The following SYN3 variants were observed in gnomAD, a reference collection of about 807,000 sequenced individuals.
SYN3 encodes the protein synapsin-3.
SYN3 carries 35 observed loss-of-function variants against 65.8 expected under a neutral mutation model. The observed-to-expected ratio is 0.53, with a 90% CI of 0.41 to 0.70. The LOEUF (loss-of-function observed/expected upper bound fraction) is 0.70. Ranked by LOEUF, SYN3 falls within the 30% of genes least tolerant of loss-of-function variation. The pLI is 0.00. For missense variants in SYN3, 680 were observed against 749.0 expected, an observed-to-expected ratio of 0.91 and a Z score of 1.08; for synonymous variants, 270 against 292.9, an observed-to-expected ratio of 0.92 and a Z score of 0.80.
chr22:32,826,094 T>C (rs2047403464), intron 6 of SYN3, among the ~76,000 whole-genome samples: 1 of 152,216 alleles, frequency 6.6e-6, no homozygotes, highest in South Asian at 2.1e-4. Context: ...CTTCTTTTTT[T>C]CCCAACCTTT....
intron 6 of SYN3, among the ~76,000 whole-genome samples, chr22:32,775,564 C>T (rs2045888690): frequency 6.6e-6 from 1 of 152,138 alleles, no homozygotes. Context: ...ATCCTCCAGT[C>T]TGCACAACCC....
intron 6 of SYN3, among the ~76,000 whole-genome samples, chr22:32,842,120 G>A (rs73158348): frequency 2.0e-5 from 3 of 152,092 alleles, no homozygotes; most frequent in African/African-American, 7.3e-5. Context: ...TATCTGCTGG[G>A]ATGGGAAGTG....
intron 12 of SYN3, among the ~76,000 whole-genome samples, chr22:32,520,637 G>T (rs965633471): frequency 6.6e-6 from 1 of 152,170 alleles, no homozygotes; most frequent in South Asian, 2.1e-4. Context: ...AAGAAAAGGC[G>T]GCTTCCTTCA....
intron 6 of SYN3, among the ~76,000 whole-genome samples, chr22:32,689,495 G>A (rs924302640): frequency 1.3e-4 from 20 of 152,320 alleles, no homozygotes; most frequent in African/African-American, 4.3e-4. Context: ...TGCTCTAAAG[G>A]AATGGGGATA....
chr22:32,832,774 C>T (rs1422284312), intron 6 of SYN3, among the ~76,000 whole-genome samples: 1 of 152,062 alleles, frequency 6.6e-6, no homozygotes, highest in African/African-American at 2.4e-5. Flanking sequence ...TGTCGTTCAG[C>T]TGGAGTGCAG....
intron 3 of SYN3, among the ~76,000 whole-genome samples, chr22:32,955,881 C>T (rs1029212400): frequency 6.6e-6 from 1 of 151,868 alleles, no homozygotes; most frequent in African/African-American, 2.4e-5. Context: ...AGCCTCTCAG[C>T]CTACATCTTT....
At chr22:32,557,977 A>G (rs1343552493) in intron 7 of SYN3, among the ~76,000 whole-genome samples, 1 of 152,096 alleles carries the variant, frequency 6.6e-6, no homozygotes, top group Non-Finnish European at 1.5e-5. Context: ...CTCTCTTTTA[A>G]CAATCTCTTC....
intron 7 of SYN3, among the ~76,000 whole-genome samples, chr22:32,543,518 G>A (rs1300158417): frequency 6.6e-6 from 1 of 152,152 alleles, no homozygotes; most frequent in Non-Finnish European, 1.5e-5. Context: ...AGAAAATAAA[G>A]GTGACCAGGC....
At chr22:32,956,038 T>TCA (rs927419542) in intron 3 of SYN3, among the ~76,000 whole-genome samples, 35 of 59,564 alleles carry the variant, frequency 5.9e-4, no homozygotes, top group South Asian at 3.0e-3. Flanking sequence ...CTTAATAAAT[T>TCA]CACATATATA....
intron 6 of SYN3, among the ~76,000 whole-genome samples, chr22:32,618,684 T>G (rs2146732711): frequency 6.6e-6 from 1 of 152,176 alleles, no homozygotes; most frequent in East Asian, 1.9e-4. Flanking sequence ...CCAGACAATC[T>G]CAGGCCCTGG....
intron 6 of SYN3, among the ~76,000 whole-genome samples, chr22:32,734,533 A>ACAGACAGACAGACAGACAGG (rs1215704231): frequency 6.6e-6 from 1 of 152,066 alleles, no homozygotes. Flanking sequence ...AGACAGACAG[A>ACAGACAGACAGACAGACAGG]CATCGCCCTG....
At chr22:32,661,471 A>G (rs2060215748) in intron 6 of SYN3, among the ~76,000 whole-genome samples, 1 of 152,260 alleles carries the variant, frequency 6.6e-6, no homozygotes, top group African/African-American at 2.4e-5. Context: ...GTAGAAGCCG[A>G]GAATTCCAAA....
intron 4 of SYN3, among the ~76,000 whole-genome samples, chr22:32,897,360 G>C (rs908345335): frequency 1.3e-5 from 2 of 152,194 alleles, no homozygotes; most frequent in African/African-American, 4.8e-5. Flanking sequence ...TGCTCTCTTG[G>C]ATGCTGCGTG....
intron 7 of SYN3, among the ~76,000 whole-genome samples, chr22:32,570,054 G>A (rs965217130): frequency 2.6e-5 from 4 of 152,256 alleles, no homozygotes; most frequent in South Asian, 2.1e-4. Context: ...TTTTTAGTAC[G>A]GGCCATGCTG....
chr22:32,855,046 G>A (rs2267183), intron 6 of SYN3, among the ~76,000 whole-genome samples: 76,131 of 152,086 alleles, frequency 0.5, 19,755 homozygotes, highest in African/African-American at 0.62. Context: ...AATTACTGTA[G>A]GTAAATTAAT....
At chr22:32,742,669 T>G (rs1274941477) in intron 6 of SYN3, among the ~76,000 whole-genome samples, 1 of 152,164 alleles carries the variant, frequency 6.6e-6, no homozygotes, top group East Asian at 1.9e-4. Flanking sequence ...GGATGTGAAT[T>G]TAGCTCTGCC....
intron 3 of SYN3, among the ~76,000 whole-genome samples, chr22:32,960,371 T>C (rs993044031): frequency 2.6e-5 from 4 of 152,162 alleles, no homozygotes; most frequent in African/African-American, 7.2e-5. Context: ...TAATTCAAAC[T>C]CACCAATCCT....
At chr22:32,666,316 C>G (rs2060289015) in intron 6 of SYN3, among the ~76,000 whole-genome samples, 1 of 152,150 alleles carries the variant, frequency 6.6e-6, no homozygotes, top group Non-Finnish European at 1.5e-5. Context: ...TCATCTTACT[C>G]TAAAGAATAA....
chr22:32,927,424 A>G (rs973740660), intron 4 of SYN3, among the ~76,000 whole-genome samples: 2 of 148,084 alleles, frequency 1.4e-5, no homozygotes, highest in Non-Finnish European at 3.0e-5. Flanking sequence ...ATTTTTTTGT[A>G]TTTTTCATAG....
Sources: allele counts gnomAD v4.1 joint callset (sites outside exome capture counted in the v4.1 genomes callset), GRCh38; gene constraint gnomAD v4.1.1; transcripts MANE v1.5; gene names NCBI Gene and HGNC (gene_info 2026-07-23, HGNC 2026-07-21).